TBC1D22A: variants seen among roughly 807,000 people sequenced by gnomAD.
TBC1D22A encodes TBC1 domain family member 22A, also known as putative GTPase activator.
TBC1D22A carries 38 observed loss-of-function variants against 60.2 expected under a neutral mutation model. That is an observed-to-expected ratio of 0.63 (90% CI 0.49 to 0.83). The LOEUF is 0.83. TBC1D22A is among the 40% of genes least tolerant of loss of function. TBC1D22A has a pLI of 0.00. For missense variants in TBC1D22A, 628 were observed against 701.0 expected, an observed-to-expected ratio of 0.90 and a Z score of 1.18; for synonymous variants, 302 against 281.7, an observed-to-expected ratio of 1.07 and a Z score of -0.72.
intron 10 of TBC1D22A, among the ~76,000 whole-genome samples, chr22:46,999,009 C>T (rs770061101): frequency 5.3e-5 from 8 of 152,176 alleles, no homozygotes; most frequent in Non-Finnish European, 8.8e-5. Flanking sequence ...GTGAATTACA[C>T]GTTCCTCTGA....
intron 4 of TBC1D22A, among the ~76,000 whole-genome samples, chr22:46,808,266 G>C (rs548511906): frequency 6.6e-6 from 1 of 152,166 alleles, no homozygotes; most frequent in African/African-American, 2.4e-5. Context: ...GCTGAGGCAG[G>C]AGAATTGCTT....
At chr22:46,896,514 T>C (rs1013608095) in intron 7 of TBC1D22A, among the ~76,000 whole-genome samples, 12 of 152,326 alleles carry the variant, frequency 7.9e-5, no homozygotes, top group African/African-American at 2.2e-4. Flanking sequence ...TTGATGGCCA[T>C]GTGTGATGGG....
intron 12 of TBC1D22A, among the ~76,000 whole-genome samples, chr22:47,157,167 G>A (rs1004462374): frequency 2.0e-5 from 3 of 152,202 alleles, no homozygotes; most frequent in Non-Finnish European, 2.9e-5. Flanking sequence ...CTCTTTTCAC[G>A]TAGGAATTAT....
At chr22:47,153,926 A>G (rs1054553307) in intron 12 of TBC1D22A, among the ~76,000 whole-genome samples, 1 of 151,976 alleles carries the variant, frequency 6.6e-6, no homozygotes, top group Non-Finnish European at 1.5e-5. Context: ...AGGTCCGGGG[A>G]CACTGGACTG....
At chr22:47,162,202 G>C (rs4823604) in intron 12 of TBC1D22A, among the ~76,000 whole-genome samples, 59,147 of 146,104 alleles carry the variant, frequency 0.4, 12,677 homozygotes, top group East Asian at 0.69. Context: ...CATTTGAAAG[G>C]TTTTTTTTTT....
At chr22:47,034,626 G>A (rs375730009) in intron 10 of TBC1D22A, among the ~76,000 whole-genome samples, 1 of 152,212 alleles carries the variant, frequency 6.6e-6, no homozygotes, top group Non-Finnish European at 1.5e-5. Flanking sequence ...TGCCCCGGCT[G>A]TCTCTGGGCC....
intron 10 of TBC1D22A, among the ~76,000 whole-genome samples, chr22:47,005,502 C>G (rs754300461): frequency 1.3e-5 from 2 of 151,562 alleles, no homozygotes; most frequent in Non-Finnish European, 2.9e-5. Flanking sequence ...CTAGACATAC[C>G]TACCTGCCTG....
intron 10 of TBC1D22A, among the ~76,000 whole-genome samples, chr22:47,015,477 C>A (rs1274225112): frequency 6.6e-6 from 1 of 152,242 alleles, no homozygotes; most frequent in African/African-American, 2.4e-5. Context: ...TTCGAGGAAA[C>A]CTGCAATTCA....
intron 12 of TBC1D22A, among the ~76,000 whole-genome samples, chr22:47,142,657 C>T (rs1192476412): frequency 2.1e-5 from 3 of 141,020 alleles, no homozygotes; most frequent in South Asian, 2.4e-4. Flanking sequence ...TCCATCCATC[C>T]ATCCATCTAC....
intron 9 of TBC1D22A, among the ~76,000 whole-genome samples, chr22:46,997,087 G>A (rs1316782850): frequency 6.6e-6 from 1 of 152,196 alleles, no homozygotes; most frequent in Non-Finnish European, 1.5e-5. Context: ...CTATGTTAGT[G>A]TCTGAACTTC....
At chr22:46,973,534 T>G (rs922949372) in intron 8 of TBC1D22A, among the ~76,000 whole-genome samples, 1 of 152,218 alleles carries the variant, frequency 6.6e-6, no homozygotes, top group Non-Finnish European at 1.5e-5. Context: ...ACGTTTTCCT[T>G]GCGAAGATGC....
At chr22:46,920,763 CATT>C (rs900922307) in intron 8 of TBC1D22A, among the ~76,000 whole-genome samples, 2 of 139,598 alleles carry the variant, frequency 1.4e-5, no homozygotes, top group African/African-American at 2.8e-5. Flanking sequence ...TTGAAGTTAA[CATT>C]ATGTTATTTA....
intron 2 of TBC1D22A, 41 bp from the exon 3 acceptor site, chr22:46,793,460 C>T (rs369114149): frequency 4.4e-6 from 7 of 1,602,060 alleles, no homozygotes; most frequent in Non-Finnish European, 6.0e-6. Context: ...TTGGGTGAAG[C>T]CTTCGAGCAT....
intron 11 of TBC1D22A, among the ~76,000 whole-genome samples, chr22:47,071,570 G>A (rs2063991013): frequency 6.6e-6 from 1 of 152,240 alleles, no homozygotes; most frequent in Non-Finnish European, 1.5e-5. Context: ...AGTTACAACG[G>A]GAAGCCCTTC....
intron 8 of TBC1D22A, chr22:46,915,813 G>A (rs1490830814): frequency 2.2e-6 from 1 of 456,524 alleles, no homozygotes; most frequent in Non-Finnish European, 4.4e-6. Context: ...TGGTTTCACG[G>A]GAGGTGGGGA....
At chr22:46,769,746 A>T (rs2083424270) in intron 1 of TBC1D22A, among the ~76,000 whole-genome samples, 1 of 152,126 alleles carries the variant, frequency 6.6e-6, no homozygotes, top group Non-Finnish European at 1.5e-5. Context: ...GGTTTTAAAC[A>T]GGGAGGGGTG....
At chr22:47,027,594 A>C (rs1014254451) in intron 10 of TBC1D22A, among the ~76,000 whole-genome samples, 1 of 152,182 alleles carries the variant, frequency 6.6e-6, no homozygotes, top group African/African-American at 2.4e-5. Context: ...AGTGAAGTTA[A>C]CTCAGAGACC....
chr22:46,820,176 TAAC>T (rs1347940823), intron 4 of TBC1D22A, among the ~76,000 whole-genome samples: 1 of 152,086 alleles, frequency 6.6e-6, no homozygotes, highest in Non-Finnish European at 1.5e-5. Flanking sequence ...ATTTTTTCAA[TAAC>T]CCAGCTCCTG....
chr22:46,991,721 C>A lies in TBC1D22A; in HGVS notation c.1126-5913C>A, dbSNP rs552435663. Among the ~76,000 whole-genome samples, 7 of 152,304 alleles carry A rather than the reference C, an allele frequency of 4.6e-5. No homozygotes were observed. The South Asian group carries it at 1.5e-3, about 32-fold the overall frequency. On this transcript the variant is annotated intron_variant, in intron 9 of 12. Transcript: ENST00000337137. The stretch of plus-strand genomic sequence containing the variant: ...AGTGGCCTCCATTTGCATTTCATTA[C>A]CTGCGTTTGAGAGCATTGCCTGGGT...
Sources: allele counts gnomAD v4.1 joint callset (sites outside exome capture counted in the v4.1 genomes callset), GRCh38; gene constraint gnomAD v4.1.1; transcripts MANE v1.5; gene names NCBI Gene and HGNC (gene_info 2026-07-23, HGNC 2026-07-21).